ILDR1: variants seen among roughly 807,000 people sequenced by gnomAD.
ILDR1 encodes immunoglobulin-like domain-containing receptor 1.
In ILDR1, 56 loss-of-function variants were observed where a neutral mutation model predicts 62.4. The observed-to-expected ratio is 0.90, with a 90% CI of 0.72 to 1.12. ILDR1 has a LOEUF of 1.12. Ranked by LOEUF, ILDR1 falls within the 50% of genes most tolerant of loss-of-function variation. The pLI is 0.00. For synonymous variants in ILDR1, 284 were observed against 277.8 expected, an observed-to-expected ratio of 1.02 and a Z score of -0.22; for missense variants, 736 against 710.6, an observed-to-expected ratio of 1.04 and a Z score of -0.41.
At chr3:122,008,593 C>CT (rs10546593) in intron 1 of ILDR1, among the ~76,000 whole-genome samples, 1,420 of 80,108 alleles carry the variant, frequency 0.018, 26 homozygotes, top group East Asian at 0.05. Context: ...CTTTTCTTTT[C>CT]TTTTTTTTTT....
chr3:121,990,760 C>G (rs1254602672), intron 7 of ILDR1, among the ~76,000 whole-genome samples: 1 of 152,128 alleles, frequency 6.6e-6, no homozygotes, highest in Non-Finnish European at 1.5e-5. Flanking sequence ...ATACTTCTCT[C>G]TAAGGAGGCA....
At chr3:121,988,545 AG>A in intron 7 of ILDR1, 137 bp from the exon 8 acceptor site, 2 of 725,000 alleles carry the variant, frequency 2.8e-6, no homozygotes, top group Non-Finnish European at 4.9e-6. Context: ...GAACCTAAAA[AG>A]TATTTCTTTA....
chr3:122,013,907 A>T (rs771460644), intron 1 of ILDR1, among the ~76,000 whole-genome samples: 1 of 152,180 alleles, frequency 6.6e-6, no homozygotes, highest in Non-Finnish European at 1.5e-5. Flanking sequence ...GTGTTTTATT[A>T]TACATTATCT....
chr3:122,012,540 G>A (rs1347973289), intron 1 of ILDR1, among the ~76,000 whole-genome samples: 1 of 152,160 alleles, frequency 6.6e-6, no homozygotes, highest in Non-Finnish European at 1.5e-5. Context: ...ATTAGTTGCT[G>A]GGGGTCAGAA....
upstream of ILDR1, among the ~76,000 whole-genome samples, chr3:122,026,680 A>G (rs1426408425): frequency 6.6e-6 from 1 of 152,158 alleles, no homozygotes; most frequent in African/African-American, 2.4e-5. Flanking sequence ...GGACTGAGAG[A>G]CTTACTTCTT....
upstream of ILDR1, among the ~76,000 whole-genome samples, chr3:122,027,206 T>A (rs2071928996): frequency 6.6e-6 from 1 of 152,222 alleles, no homozygotes; most frequent in Non-Finnish European, 1.5e-5. Flanking sequence ...TTTTATTTTT[T>A]GAGACGGAGT....
chr3:122,029,504 T>TAAAAAAAAA, the ILDR1 span, among the ~76,000 whole-genome samples: 3 of 138,510 alleles, frequency 2.2e-5, no homozygotes, highest in African/African-American at 8.5e-5. Flanking sequence ...ACACTCCGTC[T>TAAAAAAAAA]AAAAAAAATA....
At chr3:122,058,758 TA>T in the ILDR1 span, among the ~76,000 whole-genome samples, 1 of 152,002 alleles carries the variant, frequency 6.6e-6, no homozygotes, top group Admixed American at 6.6e-5. Flanking sequence ...AAATTTACTT[TA>T]AAAAAAATCC....
the ILDR1 span, among the ~76,000 whole-genome samples, chr3:122,039,724 CAG>C: frequency 1.3e-5 from 2 of 151,796 alleles, no homozygotes; most frequent in Non-Finnish European, 2.9e-5. Flanking sequence ...GATTTGAAAA[CAG>C]AATAAATGAG....
chr3:121,999,697 C>T (rs1472475525), intron 5 of ILDR1, among the ~76,000 whole-genome samples: 1 of 152,116 alleles, frequency 6.6e-6, no homozygotes, highest in Non-Finnish European at 1.5e-5. Flanking sequence ...GACTAACAGA[C>T]CCCCTCTTGG....
chr3:122,038,309 G>A, the ILDR1 span, among the ~76,000 whole-genome samples: 263 of 152,194 alleles, frequency 1.7e-3, no homozygotes, highest in Middle Eastern at 6.8e-3. Flanking sequence ...AACAAAGCAG[G>A]GAAACACAAA....
At chr3:121,994,388 C>A (rs1223277738) in intron 5 of ILDR1, 75 bp from the exon 6 acceptor site, 2 of 1,458,694 alleles carry the variant, frequency 1.4e-6, no homozygotes, top group Non-Finnish European at 9.0e-7. Context: ...TTCTTTCCAC[C>A]TAGGGGCCTT....
At chr3:122,002,319 G>GT (rs2071540897) in intron 3 of ILDR1, among the ~76,000 whole-genome samples, 1 of 152,118 alleles carries the variant, frequency 6.6e-6, no homozygotes, top group South Asian at 2.1e-4. Context: ...CTCATCAGAG[G>GT]TAGGTTCAAA....
At chr3:122,022,826 T>A (rs979815797), upstream of ILDR1, among the ~76,000 whole-genome samples, 2 of 151,586 alleles carry the variant, frequency 1.3e-5, no homozygotes, top group Admixed American at 1.3e-4. Flanking sequence ...GGCCCGAGAG[T>A]TACTTGAACC....
chr3:122,050,100 T>TAA, the ILDR1 span, among the ~76,000 whole-genome samples: 2 of 152,242 alleles, frequency 1.3e-5, no homozygotes, highest in Non-Finnish European at 2.9e-5. Context: ...CTCTTTTGGT[T>TAA]ATCATTCGCA....
the ILDR1 span, among the ~76,000 whole-genome samples, chr3:122,046,734 T>C: frequency 1.5e-5 from 2 of 135,720 alleles, no homozygotes; most frequent in African/African-American, 5.5e-5. Context: ...TTCTGCATTC[T>C]TCACTTAGTT....
intron 1 of ILDR1, among the ~76,000 whole-genome samples, chr3:122,009,261 A>T (rs1294434973): frequency 6.6e-6 from 1 of 151,346 alleles, no homozygotes; most frequent in Non-Finnish European, 1.5e-5. Context: ...AATTTCCAGG[A>T]GATGCTGATG....
At chr3:122,037,138 G>A in the ILDR1 span, among the ~76,000 whole-genome samples, 4 of 152,210 alleles carry the variant, frequency 2.6e-5, no homozygotes, top group African/African-American at 9.7e-5. Context: ...TCTTTATTAG[G>A]GCAGTGCAGA....
At chr3:122,045,210 C>G in the ILDR1 span, among the ~76,000 whole-genome samples, 1 of 149,752 alleles carries the variant, frequency 6.7e-6, no homozygotes, top group Non-Finnish European at 1.5e-5. Flanking sequence ...TGTTCAGTTT[C>G]CATGTAGTTG....
Sources: gnomAD v4.1 joint callset for allele counts (sites outside exome capture counted in the v4.1 genomes callset) on GRCh38, gnomAD v4.1.1 for gene constraint, MANE v1.5 for transcripts, NCBI Gene and HGNC (gene_info 2026-07-23, HGNC 2026-07-21) for gene names.